Variants in SCFD2 observed in about 807,000 individuals in gnomAD.
The protein encoded by SCFD2 is sec1 family domain-containing protein 2.
In SCFD2, 54 loss-of-function variants were observed where a neutral mutation model predicts 58.9. That is an observed-to-expected ratio of 0.92 (90% CI 0.74 to 1.15). The LOEUF is 1.15. SCFD2 is among the 50% of genes most tolerant of loss of function. SCFD2 has a pLI of 0.00. For synonymous variants in SCFD2, 321 were observed against 335.9 expected, an observed-to-expected ratio of 0.96 and a Z score of 0.49; for missense variants, 805 against 836.6, an observed-to-expected ratio of 0.96 and a Z score of 0.47.
At position 53,115,894 on chromosome 4, in the gene SCFD2, C is replaced by T. The variant is rs141363539; in HGVS notation, c.1561+29439G>A. 3.3e-3 allele frequency among the ~76,000 whole-genome samples: 496 copies of T among 152,216 alleles called. 2 individuals carry two copies. The highest frequency in any genetic ancestry group is 0.011 in the African/African-American group (467 of 41,540). ...GTTTCCTTTCTTATCATATAGAAGA[C>T]CTATGCTGTTTTAATTTGCCTAGCA... On this transcript the variant is annotated intron_variant, in intron 5 of 8. Coordinates refer to ENST00000401642, the MANE Select transcript of SCFD2 (RefSeq NM_152540.4).
intron 5 of SCFD2, among the ~76,000 whole-genome samples, chr4:52,929,304 C>A (rs1719935261): frequency 6.6e-6 from 1 of 152,080 alleles, no homozygotes; most frequent in Non-Finnish European, 1.5e-5. Context: ...TTTAATACCA[C>A]ACAGATCATG....
intron 4 of SCFD2, among the ~76,000 whole-genome samples, chr4:53,249,055 GA>G (rs1730241103): frequency 1.3e-5 from 2 of 151,986 alleles, no homozygotes; most frequent in South Asian, 2.1e-4. Context: ...TAAAAACTTT[GA>G]AAAAAATTTA....
chr4:53,097,806 C>G (rs80046940), intron 5 of SCFD2, among the ~76,000 whole-genome samples: 31,354 of 152,018 alleles, frequency 0.21, 3,587 homozygotes, highest in Non-Finnish European at 0.26. Context: ...TTTTCAAAGG[C>G]AATGCTTCCA....
chr4:53,245,233 G>C (rs1281239318), intron 4 of SCFD2, among the ~76,000 whole-genome samples: 1 of 151,668 alleles, frequency 6.6e-6, no homozygotes, highest in Non-Finnish European at 1.5e-5. Context: ...TGAAAAGGAG[G>C]GACTCTTCCC....
chr4:53,143,240 A>T (rs1299097449), intron 5 of SCFD2, among the ~76,000 whole-genome samples: 2 of 152,216 alleles, frequency 1.3e-5, no homozygotes, highest in East Asian at 1.9e-4. Flanking sequence ...ATAAATGTTT[A>T]AAAAAGCTAT....
At chr4:53,265,417 T>C (rs1730954160) in intron 4 of SCFD2, 1 of 152,222 alleles carries the variant, frequency 6.6e-6, no homozygotes, top group African/African-American at 2.4e-5. Context: ...GTGGGTTTGC[T>C]AATGCACAAT....
chr4:53,194,279 C>T (rs1169071132), intron 4 of SCFD2, among the ~76,000 whole-genome samples: 1 of 152,034 alleles, frequency 6.6e-6, no homozygotes, highest in Non-Finnish European at 1.5e-5. Flanking sequence ...CTTTTCACTC[C>T]TCCTGTCACT....
intron 4 of SCFD2, among the ~76,000 whole-genome samples, chr4:53,253,154 G>A (rs1490898771): frequency 6.6e-6 from 1 of 152,184 alleles, no homozygotes; most frequent in Non-Finnish European, 1.5e-5. Context: ...ATCATCACTG[G>A]CCATCAGAGA....
intron 4 of SCFD2, among the ~76,000 whole-genome samples, chr4:53,223,571 T>C (rs553674852): frequency 6.6e-6 from 1 of 152,348 alleles, no homozygotes; most frequent in South Asian, 2.1e-4. Flanking sequence ...TGCATGTCTT[T>C]CCCGTCCTTC....
At chr4:53,110,619 A>G (rs934766856) in intron 5 of SCFD2, among the ~76,000 whole-genome samples, 6 of 152,236 alleles carry the variant, frequency 3.9e-5, no homozygotes, top group Admixed American at 3.9e-4. Context: ...GAGAAATGCA[A>G]ATCAAAACCA....
chr4:53,331,445 C>T (rs1388808219), intron 2 of SCFD2, among the ~76,000 whole-genome samples: 4 of 152,182 alleles, frequency 2.6e-5, no homozygotes, highest in Non-Finnish European at 5.9e-5. Context: ...AAGAATTTCA[C>T]TCAAAACCGC....
At chr4:53,317,314 T>C (rs1648205381) in intron 2 of SCFD2, among the ~76,000 whole-genome samples, 1 of 152,176 alleles carries the variant, frequency 6.6e-6, no homozygotes, top group African/African-American at 2.4e-5. Context: ...TACTGGTATT[T>C]TTTTTGTCTC....
chr4:53,197,001 C>A (rs2148963261), intron 4 of SCFD2, among the ~76,000 whole-genome samples: 2 of 152,182 alleles, frequency 1.3e-5, no homozygotes, highest in Admixed American at 1.3e-4. Flanking sequence ...CTTTATCCAG[C>A]CTCAAAGACA....
chr4:52,958,192 T>A (rs1389201130), intron 5 of SCFD2: 1 of 152,244 alleles, frequency 6.6e-6, no homozygotes, highest in Non-Finnish European at 1.5e-5. Flanking sequence ...AAAGACACTT[T>A]AAGTCCAATT....
At chr4:52,894,678 G>A (rs1718958441) in intron 7 of SCFD2, among the ~76,000 whole-genome samples, 1 of 152,198 alleles carries the variant, frequency 6.6e-6, no homozygotes, top group South Asian at 2.1e-4. Context: ...TCCCTAGTGG[G>A]CTTCACACAC....
At chr4:53,076,402 T>C (rs1403767628) in intron 5 of SCFD2, among the ~76,000 whole-genome samples, 4 of 152,148 alleles carry the variant, frequency 2.6e-5, no homozygotes, top group Non-Finnish European at 5.9e-5. Context: ...ACCCATCTGC[T>C]ATGGAAACAT....
chr4:53,193,908 C>T (rs1238680382), intron 4 of SCFD2, among the ~76,000 whole-genome samples: 1 of 152,176 alleles, frequency 6.6e-6, no homozygotes, highest in Non-Finnish European at 1.5e-5. Context: ...CAAGTCTGCG[C>T]CTACTTCTCA....
intron 5 of SCFD2, among the ~76,000 whole-genome samples, chr4:53,037,256 G>A (rs1405632359): frequency 6.6e-6 from 1 of 152,132 alleles, no homozygotes; most frequent in Non-Finnish European, 1.5e-5. Context: ...AGTTGTAGAA[G>A]TTTAGGCATA....
At chr4:53,337,438 G>A (rs1733719610) in intron 2 of SCFD2, among the ~76,000 whole-genome samples, 1 of 152,126 alleles carries the variant, frequency 6.6e-6, no homozygotes, top group African/African-American at 2.4e-5. Flanking sequence ...CTTGGGAGGA[G>A]GATATTCAGT....
Sources: gnomAD v4.1 joint callset for allele counts (sites outside exome capture counted in the v4.1 genomes callset) on GRCh38, gnomAD v4.1.1 for gene constraint, MANE v1.5 for transcripts, NCBI Gene and HGNC (gene_info 2026-07-23, HGNC 2026-07-21) for gene names.